PTPRD: variants seen among roughly 807,000 people sequenced by gnomAD.
The protein encoded by PTPRD is receptor-type tyrosine-protein phosphatase delta.
PTPRD carries 34 observed loss-of-function variants against 214.5 expected under a neutral mutation model. The observed-to-expected ratio is 0.16, with a 90% CI of 0.12 to 0.21. PTPRD has a LOEUF of 0.21. Ranked by LOEUF, PTPRD falls within the 10% of genes least tolerant of loss-of-function variation. PTPRD has a pLI of 1.00. For missense variants in PTPRD, 2,545 were observed against 2,398.7 expected, an observed-to-expected ratio of 1.06 and a Z score of -1.27; for synonymous variants, 1,128 against 845.7, an observed-to-expected ratio of 1.33 and a Z score of -5.79.
chr9:9,201,559 TA>T (rs1028251101), intron 9 of PTPRD, among the ~76,000 whole-genome samples: 170 of 151,438 alleles, frequency 1.1e-3, no homozygotes, highest in Middle Eastern at 0.01. Context: ...ACTTGGTGAT[TA>T]AAAAAAAACA....
At chr9:10,435,016 G>A (rs546752603) in intron 2 of PTPRD, among the ~76,000 whole-genome samples, 26 of 151,828 alleles carry the variant, frequency 1.7e-4, no homozygotes, top group East Asian at 1.4e-3. Context: ...GAGCAAATAC[G>A]AAACACTAAA....
rs138473943 is a variant in PTPRD, at chr9:9,127,813, A to G, written c.-143+55491T>C. 1.3e-3 allele frequency among the ~76,000 whole-genome samples: 197 copies of G among 152,268 alleles called. 1 individual carries two copies. Among genetic ancestry groups the G allele is most frequent in the African/African-American group, 4.6e-3 (191 of 41,556 alleles). On this transcript the variant is annotated intron_variant, in intron 10 of 45. Transcript: ENST00000381196. The stretch of plus-strand genomic sequence containing the variant: ...AGAAAAAATAAAATATGAAGGAAAA[A>G]AAGAGGTGATGCCTACAGACAGGAA...
At chr9:8,952,670 G>T (rs1212041629) in intron 11 of PTPRD, among the ~76,000 whole-genome samples, 1 of 151,542 alleles carries the variant, frequency 6.6e-6, no homozygotes, top group Non-Finnish European at 1.5e-5. Context: ...AGGGGGCAGA[G>T]GTATCTTTAC....
At chr9:8,663,634 G>A (rs1479734650) in intron 12 of PTPRD, among the ~76,000 whole-genome samples, 4 of 152,018 alleles carry the variant, frequency 2.6e-5, no homozygotes, top group South Asian at 2.1e-4. Context: ...TGGGGTTACA[G>A]GCACCTACCA....
At chr9:8,875,828 T>A (rs1317424635) in intron 11 of PTPRD, among the ~76,000 whole-genome samples, 1 of 152,166 alleles carries the variant, frequency 6.6e-6, no homozygotes, top group African/African-American at 2.4e-5. Flanking sequence ...GCTTTGTGCA[T>A]ATGCCTTAAC....
At chr9:8,420,577 G>T (rs2094286273) in intron 35 of PTPRD, among the ~76,000 whole-genome samples, 2 of 152,042 alleles carry the variant, frequency 1.3e-5, no homozygotes, top group South Asian at 2.1e-4. Context: ...AAAACAAAAC[G>T]ATTATATCCC....
At chr9:8,421,633 A>G (rs1339278505) in intron 35 of PTPRD, among the ~76,000 whole-genome samples, 2 of 152,132 alleles carry the variant, frequency 1.3e-5, no homozygotes, top group African/African-American at 4.8e-5. Flanking sequence ...CTTGTACTCA[A>G]GCCTCAAGCT....
intron 7 of PTPRD, among the ~76,000 whole-genome samples, chr9:9,618,558 G>T (rs1409359594): frequency 3.3e-5 from 5 of 152,104 alleles, no homozygotes; most frequent in Non-Finnish European, 7.4e-5. Context: ...GATGTGGAAA[G>T]GGTGGGAAGA....
intron 3 of PTPRD, among the ~76,000 whole-genome samples, chr9:10,275,999 A>G (rs973374562): frequency 6.6e-6 from 1 of 152,204 alleles, no homozygotes; most frequent in African/African-American, 2.4e-5. Context: ...AGCATTTGAC[A>G]AATTTTCAGG....
At position 9,968,894 on chromosome 9, in the gene PTPRD, AT is replaced by A. The variant is rs146865227; in HGVS notation, c.-471-30285del. On this transcript the variant is annotated intron_variant, in intron 4 of 45. Transcript: ENST00000381196. ...TGATAACTTAATAACTGAATAAGTT[AT>A]TAAGAATTCTTCATTGAGCAACTAC... is the stretch of plus-strand genomic sequence containing the variant. Among the ~76,000 whole-genome samples, 912 of 152,332 alleles carry A rather than the reference AT, an allele frequency of 6.0e-3. 7 individuals are homozygous for A. The highest frequency in any genetic ancestry group is 8.4e-3 in the Non-Finnish European group (574 of 68,024).
At chr9:9,330,934 C>T (rs1440982861) in intron 9 of PTPRD, among the ~76,000 whole-genome samples, 2 of 148,806 alleles carry the variant, frequency 1.3e-5, no homozygotes, top group Admixed American at 6.7e-5. Flanking sequence ...GATATCTTTG[C>T]AGCAATTAAC....
At chr9:9,486,433 C>T (rs961680103) in intron 8 of PTPRD, among the ~76,000 whole-genome samples, 2 of 152,054 alleles carry the variant, frequency 1.3e-5, no homozygotes, top group African/African-American at 4.8e-5. Context: ...TTCAGATTTC[C>T]AGCATTATTT....
chr9:10,064,530 G>A (rs548119252), intron 3 of PTPRD, among the ~76,000 whole-genome samples: 1 of 151,918 alleles, frequency 6.6e-6, no homozygotes, highest in East Asian at 1.9e-4. Flanking sequence ...GTGGTTAATG[G>A]TCTATCATTT....
At chr9:9,423,873 C>A (rs2079792953) in intron 8 of PTPRD, among the ~76,000 whole-genome samples, 1 of 152,038 alleles carries the variant, frequency 6.6e-6, no homozygotes, top group African/African-American at 2.4e-5. Context: ...GAAAAAAATA[C>A]AAAACTTACG....
At chr9:9,862,597 G>C (rs937892045) in intron 5 of PTPRD, among the ~76,000 whole-genome samples, 17 of 152,130 alleles carry the variant, frequency 1.1e-4, no homozygotes, top group Admixed American at 8.5e-4. Context: ...CTGATTGAAA[G>C]TGAGATAAGA....
At chr9:9,121,906 T>G (rs925542364) in intron 10 of PTPRD, among the ~76,000 whole-genome samples, 5 of 152,206 alleles carry the variant, frequency 3.3e-5, no homozygotes, top group African/African-American at 1.2e-4. Flanking sequence ...ACAATATTAT[T>G]CAATGTAGGA....
intron 4 of PTPRD, among the ~76,000 whole-genome samples, chr9:9,941,637 A>G (rs889718428): frequency 6.6e-6 from 1 of 152,186 alleles, no homozygotes; most frequent in Non-Finnish European, 1.5e-5. Flanking sequence ...GTGTATATCT[A>G]TAATAAATTT....
intron 2 of PTPRD, among the ~76,000 whole-genome samples, chr9:10,400,335 A>G (rs1179387322): frequency 6.6e-6 from 1 of 151,870 alleles, no homozygotes; most frequent in African/African-American, 2.4e-5. Flanking sequence ...TTATATTATT[A>G]CTATTATCAT....
At chr9:8,821,611 C>T (rs574013414) in intron 11 of PTPRD, among the ~76,000 whole-genome samples, 2 of 152,282 alleles carry the variant, frequency 1.3e-5, no homozygotes, top group East Asian at 3.9e-4. Context: ...AACTAACTGG[C>T]CTGGCTCTTG....
Sources: allele counts gnomAD v4.1 joint callset (sites outside exome capture counted in the v4.1 genomes callset), GRCh38; gene constraint gnomAD v4.1.1; transcripts MANE v1.5; gene names NCBI Gene and HGNC (gene_info 2026-07-23, HGNC 2026-07-21).